Variants in DENND1A observed in about 807,000 individuals in gnomAD.
DENND1A encodes the protein DENN domain containing 1A.
DENND1A carries 51 observed loss-of-function variants against 113.7 expected under a neutral mutation model. That is an observed-to-expected ratio of 0.45 (90% CI 0.36 to 0.57). The LOEUF is 0.57. Ranked by LOEUF, DENND1A falls within the 20% of genes least tolerant of loss-of-function variation. The probability of loss-of-function intolerance (pLI) is 0.00; values close to 1 mark genes in which losing one functional copy is unlikely to be tolerated. For missense variants in DENND1A, 1,258 were observed against 1,395.9 expected, an observed-to-expected ratio of 0.90 and a Z score of 1.57; for synonymous variants, 565 against 570.8, an observed-to-expected ratio of 0.99 and a Z score of 0.14.
rs575099455 is a variant in DENND1A at position 123,488,988 on chromosome 9, G to A, written c.994-31091C>T. ...CCACACTCAAAACATTTCCTATAGCGAAGGCTTCAAAGGTAGAGAAGCGAA... is the reference window on the plus strand; with the variant it reads ...CCACACTCAAAACATTTCCTATAGCAAAGGCTTCAAAGGTAGAGAAGCGAA... On this transcript the variant is annotated intron_variant, in intron 13 of 23. Coordinates refer to ENST00000394215, the MANE Select transcript of DENND1A (RefSeq NM_001352964.2). Among the ~76,000 whole-genome samples the A allele has an allele frequency of 1.3e-3, 195 of 152,220 alleles. 8 individuals are homozygous for A. Among genetic ancestry groups the A allele is most frequent in the Middle Eastern group, 0.01 (3 of 294 alleles).
intron 1 of DENND1A, among the ~76,000 whole-genome samples, chr9:123,914,291 C>A (rs1854639888): frequency 6.6e-6 from 1 of 151,940 alleles, no homozygotes; most frequent in South Asian, 2.1e-4. Flanking sequence ...GTAATCCCAG[C>A]ACTTTGGGAG....
chr9:123,561,390 C>T (rs947900184), intron 12 of DENND1A, among the ~76,000 whole-genome samples: 2 of 152,174 alleles, frequency 1.3e-5, no homozygotes, highest in Admixed American at 6.5e-5. Flanking sequence ...CCCCTGTGAC[C>T]ACTTAGGCCA....
At chr9:123,667,608 ACT>A (rs1229883340) in intron 7 of DENND1A, among the ~76,000 whole-genome samples, 1 of 152,062 alleles carries the variant, frequency 6.6e-6, no homozygotes, top group Admixed American at 6.6e-5. Flanking sequence ...CAAGAATGAA[ACT>A]CTGTCTCTAA....
chr9:123,479,144 T>C (rs2050138968), intron 13 of DENND1A, among the ~76,000 whole-genome samples: 1 of 152,174 alleles, frequency 6.6e-6, no homozygotes, highest in Non-Finnish European at 1.5e-5. Context: ...GAAATAATGC[T>C]CTGAAAAGCC....
At chr9:123,583,131 G>A (rs770634421) in intron 12 of DENND1A, 38 bp downstream of exon 12, 10 of 1,434,552 alleles carry the variant, frequency 7.0e-6, no homozygotes, top group East Asian at 4.7e-5. Context: ...CTTTGCAGGA[G>A]CTCACAGAAG....
intron 10 of DENND1A, among the ~76,000 whole-genome samples, chr9:123,620,151 T>C (rs1464834881): frequency 7.2e-6 from 1 of 138,284 alleles, no homozygotes; most frequent in Non-Finnish European, 1.5e-5. Context: ...GAGGCGAAGG[T>C]TGCAGTGAGC....
chr9:123,531,807 A>G (rs1487172911), intron 13 of DENND1A, among the ~76,000 whole-genome samples: 1 of 152,214 alleles, frequency 6.6e-6, no homozygotes, highest in Non-Finnish European at 1.5e-5. Context: ...CAAATGGTTA[A>G]GAAATATATA....
intron 19 of DENND1A, among the ~76,000 whole-genome samples, chr9:123,416,576 T>A (rs1192613907): frequency 6.6e-6 from 1 of 152,124 alleles, no homozygotes; most frequent in Non-Finnish European, 1.5e-5. Flanking sequence ...AGACTGCTGC[T>A]TCTTAAGTCA....
rs1055932389 is a variant in DENND1A at position 123,583,178 on chromosome 9, T to C, written c.858A>G (p.Pro286=). Residue 286 remains proline (P), a synonymous_variant, in exon 12 of 24, where the codon CCA becomes CCG. Transcript: ENST00000394215. ...ETPFDDLQSL[P]NDVISSLKNR... Reference sequence around the variant, plus strand: ...CAAGCTCATTACCTACCACGTCGTTTGGGAGGCTCTGGAGGTCATCGAAGG... The same window carrying C: ...CAAGCTCATTACCTACCACGTCGTTCGGGAGGCTCTGGAGGTCATCGAAGG... The C allele has an allele frequency of 1.2e-6, 2 of 1,609,940 alleles. No individual in the cohort carries two copies. The highest frequency in any genetic ancestry group is 1.1e-5 in the South Asian group (1 of 90,380).
chr9:123,904,997 A>G (rs1231913181), intron 1 of DENND1A, among the ~76,000 whole-genome samples: 1 of 152,236 alleles, frequency 6.6e-6, no homozygotes, highest in Admixed American at 6.5e-5. Context: ...CATCAGACTA[A>G]CAGCAGATCT....
chr9:123,689,590 G>C (rs759676322), intron 5 of DENND1A, among the ~76,000 whole-genome samples: 26 of 152,178 alleles, frequency 1.7e-4, no homozygotes, highest in Non-Finnish European at 3.4e-4. Flanking sequence ...AGAATGGCTA[G>C]AGAGATTACA....
chr9:123,759,048 G>A (rs2070815582), intron 4 of DENND1A, among the ~76,000 whole-genome samples: 1 of 152,148 alleles, frequency 6.6e-6, no homozygotes, highest in African/African-American at 2.4e-5. Flanking sequence ...TGATCCACCT[G>A]CCTCGGCCTC....
At chr9:123,514,067 T>TAG (rs2053673105) in intron 13 of DENND1A, among the ~76,000 whole-genome samples, 1 of 62,714 alleles carries the variant, frequency 1.6e-5, no homozygotes, top group Non-Finnish European at 4.8e-5. Context: ...TATTTTGAGG[T>TAG]GTGTGTGTGT....
intron 5 of DENND1A, among the ~76,000 whole-genome samples, chr9:123,678,665 G>C (rs2064248373): frequency 6.6e-6 from 1 of 152,194 alleles, no homozygotes; most frequent in African/African-American, 2.4e-5. Context: ...ATTAACGTCT[G>C]TCTAAAGCCA....
intron 19 of DENND1A, among the ~76,000 whole-genome samples, chr9:123,429,054 T>C (rs2045946065): frequency 6.6e-6 from 1 of 152,142 alleles, no homozygotes; most frequent in South Asian, 2.1e-4. Context: ...AAAATTCATA[T>C]AGAACCAAAA....
intron 9 of DENND1A, among the ~76,000 whole-genome samples, chr9:123,649,619 C>T (rs1006110803): frequency 6.6e-6 from 1 of 152,076 alleles, no homozygotes; most frequent in African/African-American, 2.4e-5. Flanking sequence ...GTTAAATAAC[C>T]TATTTAATTT....
chr9:123,398,627 T>G (rs561912880), intron 21 of DENND1A, among the ~76,000 whole-genome samples: 1 of 152,032 alleles, frequency 6.6e-6, no homozygotes, highest in Admixed American at 6.5e-5. Context: ...TCCGCCCGCC[T>G]CGGCCTCCCA....
At chr9:123,738,324 C>T (rs952525907) in intron 5 of DENND1A, among the ~76,000 whole-genome samples, 1 of 151,916 alleles carries the variant, frequency 6.6e-6, no homozygotes, top group African/African-American at 2.4e-5. Flanking sequence ...ACATCTGGGC[C>T]AGATTACATC....
rs5900588 is a variant in DENND1A, at chr9:123,854,694, C to CAAA, written c.88+24254_88+24256dup. On this transcript the variant is annotated intron_variant, in intron 2 of 23. Transcript: ENST00000394215. Reference sequence around the variant, plus strand: ...TGGGTGACAGAGTGATACTCTGTCTCAAAAAAAAAATAAAAATAAAAATAA... The same window carrying CAAA: ...TGGGTGACAGAGTGATACTCTGTCTCAAAAAAAAAAAAATAAAAATAAAAATAA... Among the ~76,000 whole-genome samples the CAAA allele has an allele frequency of 1.5e-3, 215 of 143,770 alleles. 5 individuals are homozygous for CAAA. Among genetic ancestry groups the CAAA allele is most frequent in the African/African-American group, 5.2e-3 (192 of 36,920 alleles). The allele number at this position is 143,770 out of a possible 152,430, so 94.3% of individuals were successfully genotyped here.
Sources: gnomAD v4.1 joint callset for allele counts (sites outside exome capture counted in the v4.1 genomes callset) on GRCh38, gnomAD v4.1.1 for gene constraint, MANE v1.5 for transcripts, NCBI Gene and HGNC (gene_info 2026-07-23, HGNC 2026-07-21) for gene names.